The following SPEF2 variants were observed in gnomAD, a reference collection of about 807,000 sequenced individuals.
SPEF2 encodes sperm flagella and cilia-associated protein 2.
In SPEF2, 187 loss-of-function variants were observed where a neutral mutation model predicts 224.6. The ratio of observed to expected loss-of-function variants is 0.83; its 90% confidence interval spans 0.74 to 0.94. SPEF2 has a LOEUF of 0.94. Ranked by LOEUF, SPEF2 falls within the 40% of genes least tolerant of loss-of-function variation. The probability of loss-of-function intolerance (pLI) is 0.00; values close to 1 mark genes in which losing one functional copy is unlikely to be tolerated. For missense variants in SPEF2, 2,170 were observed against 2,135.6 expected, an observed-to-expected ratio of 1.02 and a Z score of -0.32; for synonymous variants, 715 against 707.3, an observed-to-expected ratio of 1.01 and a Z score of -0.17.
intron 5 of SPEF2, 34 bp from the exon 6 acceptor site, chr5:35,649,325 TAG>T (rs1329417999): frequency 1.3e-6 from 2 of 1,551,116 alleles, no homozygotes; most frequent in Non-Finnish European, 1.8e-6. Context: ...CAATGGTTTT[TAG>T]AGGCAGAGAA....
At chr5:35,668,586 T>C (rs894022601) in intron 9 of SPEF2, among the ~76,000 whole-genome samples, 1 of 152,110 alleles carries the variant, frequency 6.6e-6, no homozygotes, top group Non-Finnish European at 1.5e-5. Context: ...GTATCTTGAC[T>C]GTATCAATGT....
At chr5:35,708,587 C>T (rs901791844) in intron 18 of SPEF2, among the ~76,000 whole-genome samples, 6 of 42,658 alleles carry the variant, frequency 1.4e-4, no homozygotes, top group African/African-American at 3.4e-4. Context: ...ACCATCACTA[C>T]CACCATCCCC....
At chr5:35,650,811 C>G (rs544405680) in intron 6 of SPEF2, among the ~76,000 whole-genome samples, 1 of 152,308 alleles carries the variant, frequency 6.6e-6, no homozygotes, top group African/African-American at 2.4e-5. Flanking sequence ...CAACCAGACC[C>G]TAGGTCTCTA....
intron 1 of SPEF2, among the ~76,000 whole-genome samples, chr5:35,626,712 A>C (rs1286453443): frequency 2.0e-5 from 3 of 152,174 alleles, no homozygotes; most frequent in Non-Finnish European, 4.4e-5. Flanking sequence ...AACTACCTTT[A>C]TTATTGTATT....
chr5:35,744,779 C>T (rs1748213515), intron 23 of SPEF2, among the ~76,000 whole-genome samples: 1 of 152,106 alleles, frequency 6.6e-6, no homozygotes, highest in Non-Finnish European at 1.5e-5. Context: ...AACAAAAAAA[C>T]TGGATCATCA....
At chr5:35,710,649 G>A (rs1397098016) in intron 19 of SPEF2, 1 of 985,072 alleles carries the variant, frequency 1.0e-6, no homozygotes, top group African/African-American at 1.7e-5. Flanking sequence ...TTAACCTATA[G>A]CTATGACTCT....
At chr5:35,651,551 A>G (rs540006965) in intron 6 of SPEF2, among the ~76,000 whole-genome samples, 2 of 152,340 alleles carry the variant, frequency 1.3e-5, no homozygotes, top group African/African-American at 4.8e-5. Flanking sequence ...GCTGGCCTAG[A>G]GCAAACTTTT....
chr5:35,810,433 G>A (rs1352475589), intron 36 of SPEF2, among the ~76,000 whole-genome samples: 3 of 152,128 alleles, frequency 2.0e-5, no homozygotes, highest in South Asian at 4.2e-4. Flanking sequence ...GGCTGGTCTC[G>A]AACTCCTGAC....
chr5:35,714,778 G>A (rs1469762590), intron 20 of SPEF2, among the ~76,000 whole-genome samples: 3 of 151,324 alleles, frequency 2.0e-5, no homozygotes, highest in East Asian at 1.9e-4. Flanking sequence ...TAATCTGGTG[G>A]CATTGCATTG....
chr5:35,785,808 C>T (rs1008459751), intron 30 of SPEF2, among the ~76,000 whole-genome samples: 3 of 151,766 alleles, frequency 2.0e-5, no homozygotes, highest in African/African-American at 7.3e-5. Flanking sequence ...CCTCCCACCT[C>T]GGCCTCCCAA....
At position 35,795,743 on chromosome 5, in the gene SPEF2, C is replaced by T; in HGVS notation, c.4778C>T (p.Pro1593Leu). The T allele has an allele frequency of 6.2e-7, 1 of 1,613,952 alleles. No individual in the cohort carries two copies. Among genetic ancestry groups the T allele is most frequent in the Non-Finnish European group, 8.5e-7 (1 of 1,179,910 alleles). The change falls in exon 33 of 37, where the codon CCA (proline) becomes CTA (leucine). Residue 1593 changes from proline to leucine, a missense_variant. Transcript: ENST00000356031. ...ACAGGAGATGAAGATATAAAAATTC[C>T]AGAAAATCCTCTTGAACCCCTTCCA... ...WFTGDEDIKI[P>L]ENPLEPLPFN...
intron 5 of SPEF2, among the ~76,000 whole-genome samples, chr5:35,648,569 A>C (rs1358879019): frequency 6.6e-6 from 1 of 151,948 alleles, no homozygotes; most frequent in Non-Finnish European, 1.5e-5. Context: ...CAAGCAAACC[A>C]CTGGCCTTGA....
chr5:35,667,661 G>T (rs1484226190), intron 9 of SPEF2, among the ~76,000 whole-genome samples: 1 of 152,030 alleles, frequency 6.6e-6, no homozygotes, highest in African/African-American at 2.4e-5. Context: ...TTTTTGCTCT[G>T]CAAAAGACAA....
chr5:35,793,424 C>A, intron 32 of SPEF2, 83 bp downstream of exon 32: 1 of 1,393,644 alleles, frequency 7.2e-7, no homozygotes, highest in Non-Finnish European at 9.8e-7. Context: ...GTTACATTGA[C>A]AGGTCTCAGG....
rs1189617233 is a variant in SPEF2 at position 35,740,251 on chromosome 5, T to C, written c.3314T>C (p.Leu1105Pro). 3.1e-6 allele frequency: 5 copies of C among 1,614,126 alleles called. No individual in the cohort carries two copies. Among genetic ancestry groups the C allele is most frequent in the Non-Finnish European group, 4.2e-6 (5 of 1,180,002 alleles). ...LWDDEETKAELHQRVNDLRDR... is the reference protein window; with the variant it reads ...LWDDEETKAEPHQRVNDLRDR... ...GATGATGAGGAAACAAAGGCTGAACTACATCAACGAGTGAATGTAAGGAAA... is the reference window on the plus strand; with the variant it reads ...GATGATGAGGAAACAAAGGCTGAACCACATCAACGAGTGAATGTAAGGAAA... Residue 1105 changes from leucine (L) to proline (P), a missense_variant, in exon 23 of 37, where the codon CTA (leucine) becomes CCA (proline). Coordinates refer to ENST00000356031, the MANE Select transcript of SPEF2 (RefSeq NM_024867.4).
At chr5:35,675,058 G>C (rs1335548901) in intron 10 of SPEF2, among the ~76,000 whole-genome samples, 1 of 151,996 alleles carries the variant, frequency 6.6e-6, no homozygotes, top group Non-Finnish European at 1.5e-5. Flanking sequence ...TGTAGTACTG[G>C]AGGGCCCTGA....
At chr5:35,750,659 T>C (rs948997446) in intron 23 of SPEF2, among the ~76,000 whole-genome samples, 1 of 151,812 alleles carries the variant, frequency 6.6e-6, no homozygotes, top group Non-Finnish European at 1.5e-5. Context: ...ACCTTACTCC[T>C]GCAAGAATGG....
chr5:35,730,754 TAAG>T, intron 21 of SPEF2, among the ~76,000 whole-genome samples: 1 of 152,276 alleles, frequency 6.6e-6, no homozygotes, highest in African/African-American at 2.4e-5. Flanking sequence ...TGGCAGAACA[TAAG>T]AAACATGTGC....
rs1310247065 is a variant in SPEF2 at position 35,795,744 on chromosome 5, A to T, written c.4779A>T (p.Pro1593=). 6.2e-7 allele frequency: 1 copy of T among 1,613,980 alleles called. No individual in the cohort carries two copies. The highest frequency in any genetic ancestry group is 8.5e-7 in the Non-Finnish European group (1 of 1,179,934). The part of the protein sequence containing the change: ...WFTGDEDIKI[P]ENPLEPLPFN... ...CAGGAGATGAAGATATAAAAATTCC[A>T]GAAAATCCTCTTGAACCCCTTCCAT... The change falls in exon 33 of 37, where the codon CCA becomes CCT. Residue 1593 remains proline (P), a synonymous_variant. Transcript: ENST00000356031.
Sources: gnomAD v4.1 joint callset for allele counts (sites outside exome capture counted in the v4.1 genomes callset) on GRCh38, gnomAD v4.1.1 for gene constraint, MANE v1.5 for transcripts, NCBI Gene and HGNC (gene_info 2026-07-23, HGNC 2026-07-21) for gene names.